The following SORL1 variants were observed in gnomAD, a reference collection of about 807,000 sequenced individuals.
The protein encoded by SORL1 is sortilin related receptor 1.
SORL1 carries 127 observed loss-of-function variants against 273.7 expected under a neutral mutation model. The ratio of observed to expected loss-of-function variants is 0.46; its 90% CI spans 0.40 to 0.54. The LOEUF is 0.54. Among genes scored for constraint, SORL1 ranks in the 20% least tolerant of loss-of-function variants. The probability of loss-of-function intolerance (pLI) is 0.00; values close to 1 mark genes in which losing one functional copy is unlikely to be tolerated. For missense variants in SORL1, 2,494 were observed against 2,846.1 expected (o/e 0.88, Z 2.81); for synonymous variants, 1,031 against 1,067.4 (o/e 0.97, Z 0.66).
intron 31 of SORL1, among the ~76,000 whole-genome samples, chr11:121,594,830 C>T (rs1395987554): frequency 1.3e-5 from 2 of 152,086 alleles, no homozygotes; most frequent in Non-Finnish European, 2.9e-5. Flanking sequence ...TTGTCAACTT[C>T]GAGGTTCATG....
chr11:121,629,921 G>A lies in SORL1; in HGVS notation c.*358G>A, dbSNP rs886963728. ...CAGAAATGTATTTAATAAAAACCTC[G>A]AGAGAGTGATGGGTGGAACCCCTTC... is the stretch of plus-strand genomic sequence containing the variant. On this transcript the variant is annotated 3_prime_UTR_variant, in exon 48 of 48. Coordinates refer to ENST00000260197, the MANE Select transcript of SORL1 (RefSeq NM_003105.6). 21 of 237,484 alleles carry A rather than the reference G, an allele frequency of 8.8e-5. No individual in the cohort carries two copies. The highest frequency in any genetic ancestry group is 4.3e-4 in the African/African-American group (19 of 43,884). 14.7% of individuals were successfully genotyped at this position (237,484 alleles called of 1,614,324 possible).
chr11:121,615,509 C>G (rs1863627175), intron 41 of SORL1, among the ~76,000 whole-genome samples: 1 of 152,118 alleles, frequency 6.6e-6, no homozygotes. Flanking sequence ...CAGCTTTACC[C>G]TATTTGATAA....
chr11:121,606,815 G>C, intron 35 of SORL1, 30 bp from the exon 36 acceptor site: 1 of 1,563,784 alleles, frequency 6.4e-7, no homozygotes, highest in East Asian at 2.2e-5. Context: ...ATGCAGATGG[G>C]TTTTAACCTT....
chr11:121,558,255 T>C (rs115424342), intron 19 of SORL1, among the ~76,000 whole-genome samples: 2 of 152,254 alleles, frequency 1.3e-5, no homozygotes, highest in African/African-American at 4.8e-5. Context: ...TGTGTGAGCA[T>C]ATATAGATTT....
chr11:121,612,189 TTCTTG>T (rs1340363174), intron 39 of SORL1: 3 of 152,508 alleles, frequency 2.0e-5, no homozygotes, highest in Admixed American at 6.5e-5. Flanking sequence ...GCTTATATGC[TTCTTG>T]TCTTGTAGTC....
chr11:121,467,022 CTTTTTTTCTTTTT>C (rs1330416625), intron 1 of SORL1, among the ~76,000 whole-genome samples: 2 of 102,182 alleles, frequency 2.0e-5, no homozygotes, highest in Non-Finnish European at 3.9e-5. Context: ...TAGAGGTTTT[CTTTTTTTCTTTTT>C]TTTTTTTTTT....
Position 121,615,119 on chromosome 11 carries a change from C to T in SORL1, c.5604+64C>T. 4 of 1,333,648 alleles carry T rather than the reference C, an allele frequency of 3.0e-6. No individual in the cohort carries two copies. The Admixed American group carries it at 1.0e-4, about 33-fold the overall frequency. 82.6% of individuals were successfully genotyped at this position (1,333,648 alleles called of 1,614,324 possible). On this transcript the variant is annotated intron_variant, in intron 41 of 47. Coordinates refer to ENST00000260197, the MANE Select transcript of SORL1 (RefSeq NM_003105.6). Reference sequence around the variant, plus strand: ...ACTGTCCCCTAATGCTACGCCACCACACAACTCCAGGGCTTTTCTCTCTTT... The same window carrying T: ...ACTGTCCCCTAATGCTACGCCACCATACAACTCCAGGGCTTTTCTCTCTTT...
chr11:121,509,485 AT>A (rs1296406362), intron 6 of SORL1, among the ~76,000 whole-genome samples: 1 of 151,858 alleles, frequency 6.6e-6, no homozygotes, highest in Non-Finnish European at 1.5e-5. Context: ...TTAATTATTT[AT>A]TTTTTTTCTG....
intron 9 of SORL1, 77 bp from the exon 10 acceptor site, chr11:121,522,509 A>G: frequency 8.8e-7 from 1 of 1,135,862 alleles, no homozygotes; most frequent in Non-Finnish European, 1.3e-6. Context: ...CACTCCCCTC[A>G]CACAGGCCGC....
chr11:121,521,989 A>G (rs143381945), intron 9 of SORL1, among the ~76,000 whole-genome samples: 1 of 152,214 alleles, frequency 6.6e-6, no homozygotes, highest in Non-Finnish European at 1.5e-5. Context: ...GACATGAGTG[A>G]TGGAGGCCAG....
At chr11:121,521,890 T>G (rs1003571897) in intron 9 of SORL1, among the ~76,000 whole-genome samples, 2 of 152,328 alleles carry the variant, frequency 1.3e-5, no homozygotes, top group Non-Finnish European at 2.9e-5. Context: ...CTGAGTAACA[T>G]TGAACAAGCT....
intron 32 of SORL1, among the ~76,000 whole-genome samples, chr11:121,598,448 T>G (rs1324813398): frequency 6.6e-6 from 1 of 152,074 alleles, no homozygotes. Context: ...TTTCCCTGGG[T>G]GGGGCTAGCA....
Position 121,497,014 on chromosome 11 carries a change from C to G in SORL1, c.904C>G (p.Leu302Val). 6.2e-7 allele frequency: 1 copy of G among 1,614,028 alleles called. No homozygotes were observed. Among genetic ancestry groups the G allele is most frequent in the Non-Finnish European group, 8.5e-7 (1 of 1,179,996 alleles). Reference sequence around the variant, plus strand: ...CCTTGAGGAAGTGAGAGATTTTCAGCTTCGGGACAAGTACATGTTTGCTAC... The same window carrying G: ...CCTTGAGGAAGTGAGAGATTTTCAGGTTCGGGACAAGTACATGTTTGCTAC... ...VILEEVRDFQ[L>V]RDKYMFATKV... The change falls in exon 6 of 48, where the codon CTT (leucine) becomes GTT (valine). Residue 302 changes from leucine to valine, a missense_variant. This residue lies in a region of SORL1 where 710 missense variants were observed against 882.5 expected (regional missense o/e 0.80). Transcript: ENST00000260197.
chr11:121,529,366 A>G (rs555700796), intron 11 of SORL1, among the ~76,000 whole-genome samples: 1 of 151,954 alleles, frequency 6.6e-6, no homozygotes, highest in South Asian at 2.1e-4. Context: ...TCAGGCGCTC[A>G]CCACCACACC....
rs370713517 is a variant in SORL1, at chr11:121,583,462, C to G, written c.3585C>G (p.Ile1195Met). Reference sequence around the variant, plus strand: ...TGTCTCTCTTCTCTGTTACAGCCATCTATCACACCTGTGAGGCCTCCAACT... The same window carrying G: ...TGTCTCTCTTCTCTGTTACAGCCATGTATCACACCTGTGAGGCCTCCAACT... Reference protein sequence around the residue: ...DWSDEANCTAIYHTCEASNFQ... With the variant: ...DWSDEANCTAMYHTCEASNFQ... The change falls in exon 26 of 48, where the codon ATC becomes ATG. Residue 1195 changes from isoleucine (I) to methionine (M), a missense_variant. Transcript: ENST00000260197. 6 of 1,611,262 alleles carry G rather than the reference C, an allele frequency of 3.7e-6. No homozygotes were observed. Among genetic ancestry groups the G allele is most frequent in the Non-Finnish European group, 5.1e-6 (6 of 1,178,774 alleles).
At chr11:121,623,347 CAAGT>C (rs1863750499) in intron 45 of SORL1, among the ~76,000 whole-genome samples, 1 of 152,128 alleles carries the variant, frequency 6.6e-6, no homozygotes, top group Non-Finnish European at 1.5e-5. Flanking sequence ...GGTTCAAACT[CAAGT>C]AAGGTTCTTG....
chr11:121,514,659 A>G (rs1280913660), intron 8 of SORL1, among the ~76,000 whole-genome samples: 2 of 152,328 alleles, frequency 1.3e-5, no homozygotes, highest in East Asian at 3.9e-4. Flanking sequence ...CTGAGCAGTG[A>G]AAAACAGCAC....
intron 3 of SORL1, among the ~76,000 whole-genome samples, chr11:121,481,400 C>G (rs540148774): frequency 2.3e-5 from 3 of 127,822 alleles, no homozygotes; most frequent in Admixed American, 7.5e-5. Context: ...TATAGGCAGG[C>G]TCCATCTCCT....
At chr11:121,512,933 T>G in intron 6 of SORL1, 70 bp from the exon 7 acceptor site, 1 of 1,071,352 alleles carries the variant, frequency 9.3e-7, no homozygotes, top group South Asian at 1.3e-5. Context: ...CTCTTCTATT[T>G]TTATTTTTGC....
Sources: allele counts gnomAD v4.1 joint callset (sites outside exome capture counted in the v4.1 genomes callset), GRCh38; gene constraint gnomAD v4.1.1; regional missense constraint gnomAD v4.1.1; transcripts MANE v1.5; gene names NCBI Gene and HGNC (gene_info 2026-07-23, HGNC 2026-07-21).